MAF: variants seen among roughly 807,000 people sequenced by gnomAD.
The protein encoded by MAF is transcription factor Maf.
MAF carries 10 observed loss-of-function variants against 22.0 expected under a neutral mutation model. The ratio of observed to expected loss-of-function variants is 0.45; its 90% confidence interval spans 0.28 to 0.77. The LOEUF (loss-of-function observed/expected upper bound fraction) is 0.77. Among genes scored for constraint, MAF ranks in the 30% least tolerant of loss-of-function variants. The pLI, the probability that MAF is intolerant of heterozygous loss-of-function variation, is 0.12. For missense variants in MAF, 544 were observed against 548.4 expected, an observed-to-expected ratio of 0.99 and a Z score of 0.08; for synonymous variants, 337 against 255.8, an observed-to-expected ratio of 1.32 and a Z score of -3.03.
the MAF span, among the ~76,000 whole-genome samples, chr16:79,516,796 G>T: frequency 6.6e-6 from 1 of 151,936 alleles, no homozygotes; most frequent in African/African-American, 2.4e-5. Flanking sequence ...AGGTTCCATG[G>T]AATCTACTAA....
chr16:79,227,603 G>A, the MAF span, among the ~76,000 whole-genome samples: 5 of 151,948 alleles, frequency 3.3e-5, no homozygotes, highest in Non-Finnish European at 5.9e-5. Flanking sequence ...CACACCCAGA[G>A]TATGGATATA....
At chr16:79,242,979 A>G in the MAF span, among the ~76,000 whole-genome samples, 4 of 152,094 alleles carry the variant, frequency 2.6e-5, no homozygotes, top group Non-Finnish European at 5.9e-5. Context: ...GAAGGCAGAA[A>G]TAAAGAAGTT....
chr16:79,211,995 GGGGCT>G, the MAF span: 18,827 of 1,536,060 alleles, frequency 0.012, 141 homozygotes, highest in Non-Finnish European at 0.015. Context: ...TCACTTTTCT[GGGGCT>G]GGGCTAGGCA....
the MAF span, among the ~76,000 whole-genome samples, chr16:79,574,224 C>A: frequency 1.3e-5 from 2 of 152,212 alleles, no homozygotes; most frequent in African/African-American, 2.4e-5. Flanking sequence ...ATCAATGAGT[C>A]TGACAGTGTG....
chr16:79,515,276 A>C, the MAF span, among the ~76,000 whole-genome samples: 6 of 152,154 alleles, frequency 3.9e-5, no homozygotes, highest in African/African-American at 1.4e-4. Context: ...GATTAGTGCC[A>C]CTCATCAAAA....
chr16:79,341,244 G>C, the MAF span, among the ~76,000 whole-genome samples: 1 of 152,182 alleles, frequency 6.6e-6, no homozygotes, highest in African/African-American at 2.4e-5. Flanking sequence ...GTAGGTGCTG[G>C]AGCCAGATGC....
downstream of MAF, among the ~76,000 whole-genome samples, chr16:79,592,135 CA>C (rs1228388680): frequency 6.6e-6 from 1 of 152,226 alleles, no homozygotes; most frequent in Non-Finnish European, 1.5e-5. Context: ...TCACCTCCTA[CA>C]AATGGTGCAG....
chr16:79,335,807 C>G, the MAF span, among the ~76,000 whole-genome samples: 5 of 152,206 alleles, frequency 3.3e-5, no homozygotes, highest in Admixed American at 3.3e-4. Context: ...ATTTTCTTCT[C>G]TCTCTTAAGT....
the MAF span, among the ~76,000 whole-genome samples, chr16:79,310,759 T>C: frequency 9.8e-5 from 15 of 152,354 alleles, no homozygotes; most frequent in African/African-American, 3.6e-4. Context: ...CTTTGGGAAA[T>C]TGTAGCTTCT....
chr16:79,316,647 G>C, the MAF span, among the ~76,000 whole-genome samples: 12 of 152,126 alleles, frequency 7.9e-5, no homozygotes, highest in Non-Finnish European at 1.2e-4. Context: ...AGCATGCCAA[G>C]ATATGCCTTC....
the MAF span, among the ~76,000 whole-genome samples, chr16:79,463,041 G>A: frequency 6.6e-6 from 1 of 152,162 alleles, no homozygotes; most frequent in Non-Finnish European, 1.5e-5. Context: ...CAGTCAATGG[G>A]AATCTCCACT....
chr16:79,342,160 A>G, the MAF span, among the ~76,000 whole-genome samples: 1 of 152,126 alleles, frequency 6.6e-6, no homozygotes, highest in African/African-American at 2.4e-5. Flanking sequence ...GCCCAAAGTC[A>G]CCCGGCAGGT....
At chr16:79,545,985 T>G in the MAF span, among the ~76,000 whole-genome samples, 1 of 152,154 alleles carries the variant, frequency 6.6e-6, no homozygotes, top group Non-Finnish European at 1.5e-5. Context: ...TATTTCACAG[T>G]GTAAACATAC....
the MAF span, among the ~76,000 whole-genome samples, chr16:79,492,752 G>A: frequency 6.6e-6 from 1 of 152,144 alleles, no homozygotes; most frequent in East Asian, 1.9e-4. Context: ...ATACTCATGG[G>A]AGAAAGAGGC....
the MAF span, among the ~76,000 whole-genome samples, chr16:79,431,701 C>T: frequency 1.7e-3 from 255 of 152,292 alleles, 1 homozygote; most frequent in African/African-American, 6.0e-3. Flanking sequence ...CTTTCATAAA[C>T]CTCCCGTGAT....
the MAF span, among the ~76,000 whole-genome samples, chr16:79,240,920 T>C: frequency 4.6e-5 from 7 of 151,914 alleles, no homozygotes; most frequent in Non-Finnish European, 1.0e-4. Flanking sequence ...GGAGTGGACC[T>C]CCAGCAAACT....
the MAF span, among the ~76,000 whole-genome samples, chr16:79,283,161 C>T: frequency 2.0e-5 from 3 of 151,956 alleles, no homozygotes; most frequent in East Asian, 1.9e-4. Context: ...ATATTTATGG[C>T]GTGAGTGGAT....
chr16:79,216,467 T>C, the MAF span, among the ~76,000 whole-genome samples: 1 of 152,226 alleles, frequency 6.6e-6, no homozygotes, highest in Non-Finnish European at 1.5e-5. Flanking sequence ...GAAACTGTGC[T>C]TAGAGTACCC....
At chr16:79,336,060 G>T in the MAF span, among the ~76,000 whole-genome samples, 3 of 152,216 alleles carry the variant, frequency 2.0e-5, no homozygotes, top group African/African-American at 7.2e-5. Context: ...GGGCTATGGA[G>T]TGAGGGAACT....
Sources: gnomAD v4.1 joint callset for allele counts (sites outside exome capture counted in the v4.1 genomes callset) on GRCh38, gnomAD v4.1.1 for gene constraint, MANE v1.5 for transcripts, NCBI Gene and HGNC (gene_info 2026-07-23, HGNC 2026-07-21) for gene names.